MAT2B: variants seen among roughly 807,000 people sequenced by gnomAD.
The protein encoded by MAT2B is methionine adenosyltransferase 2 non-catalytic beta subunit, also known as methionine adenosyltransferase 2 subunit beta.
MAT2B carries 16 observed loss-of-function variants against 36.1 expected under a neutral mutation model. The observed-to-expected ratio is 0.44, with a 90% CI of 0.30 to 0.67. The LOEUF is 0.67. Ranked by LOEUF, MAT2B falls within the 30% of genes least tolerant of loss-of-function variation. The pLI, the probability that MAT2B is intolerant of heterozygous loss-of-function variation, is 0.09. For missense variants in MAT2B, 332 were observed against 398.2 expected, an observed-to-expected ratio of 0.83 and a Z score of 1.42; for synonymous variants, 148 against 136.9, an observed-to-expected ratio of 1.08 and a Z score of -0.57.
Position 163,519,321 on chromosome 5 carries a change from AAC to A in MAT2B, c.*961_*962del, listed in dbSNP as rs1760184771. On this transcript the variant is annotated 3_prime_UTR_variant, in exon 7 of 7. Coordinates refer to ENST00000321757, the MANE Select transcript of MAT2B (RefSeq NM_013283.5). ...TATTGAAATAAAACACAATAAAATT[AAC>A]ACTTGATCCAGAATGTTAACTTACC... The A allele has an allele frequency of 6.6e-6, 1 of 152,238 alleles. No individual in the cohort carries two copies. The highest frequency in any genetic ancestry group is 1.5e-5 in the Non-Finnish European group (1 of 68,036). The allele number at this position is 152,238 out of a possible 1,614,324, so 9.4% of individuals were successfully genotyped here. A position where few individuals can be genotyped will look rare whatever the true frequency, so the allele number is the denominator to read the frequency against.
intron 4 of MAT2B, among the ~76,000 whole-genome samples, chr5:163,514,733 T>G (rs7721639): frequency 0.19 from 29,368 of 152,190 alleles, 3,353 homozygotes; most frequent in African/African-American, 0.31. Context: ...AACTACTGCC[T>G]TAGACTGTAC....
intron 2 of MAT2B, chr5:163,512,946 G>T (rs1020459845): frequency 4.3e-6 from 1 of 233,802 alleles, no homozygotes; most frequent in Non-Finnish European, 8.6e-6. Flanking sequence ...CTTCCAAAGT[G>T]CTGGGATTAC....
chr5:163,507,761 A>T (rs904595534), intron 1 of MAT2B, among the ~76,000 whole-genome samples: 1 of 152,258 alleles, frequency 6.6e-6, no homozygotes, highest in East Asian at 1.9e-4. Flanking sequence ...AAAACAGTGT[A>T]AAAGGCAGAG....
At chr5:163,505,398 G>A (rs1312710951), upstream of MAT2B, 4 of 596,646 alleles carry the variant, frequency 6.7e-6, no homozygotes, top group Non-Finnish European at 9.6e-6. Flanking sequence ...TAAAATCTCC[G>A]AAACAAAACC....
chr5:163,518,035 T>G, intron 6 of MAT2B, 158 bp from the exon 7 acceptor site: 1 of 555,804 alleles, frequency 1.8e-6, no homozygotes, highest in Non-Finnish European at 3.1e-6. Flanking sequence ...GGAGGATCCC[T>G]TGAGCCCAGG....
At chr5:163,510,513 G>A (rs1221881776) in intron 1 of MAT2B, among the ~76,000 whole-genome samples, 3 of 148,622 alleles carry the variant, frequency 2.0e-5, no homozygotes, top group East Asian at 2.0e-4. Context: ...CTCCCGCCTC[G>A]CCTCCCGAGT....
At chr5:163,516,976 C>T (rs960747338) in intron 5 of MAT2B, 3 of 561,724 alleles carry the variant, frequency 5.3e-6, no homozygotes, top group African/African-American at 1.9e-5. Flanking sequence ...TCAAAATAAT[C>T]ATCTAAGGTC....
At chr5:163,507,014 G>A (rs1759957400) in intron 1 of MAT2B, among the ~76,000 whole-genome samples, 1 of 152,180 alleles carries the variant, frequency 6.6e-6, no homozygotes, top group Admixed American at 6.5e-5. Flanking sequence ...GCACAGTAGC[G>A]TCGCAGTAGA....
rs199601793 is a variant in MAT2B, at chr5:163,516,684, C to T, written c.693C>T (p.Cys231=). Residue 231 remains cysteine, a synonymous_variant, in exon 5 of 7, where the codon TGC becomes TGT. Transcript: ENST00000321757. ...ATGTCAAAGATGTGGCCACTGTGTG[C>T]CGGCAGCTAGCAGAGAAGAGAATGC... ...PTHVKDVATV[C]RQLAEKRMLD... The T allele has an allele frequency of 1.2e-6, 2 of 1,614,050 alleles. No individual in the cohort carries two copies. The highest frequency in any genetic ancestry group is 1.6e-4 in the Middle Eastern group (1 of 6,084).
chr5:163,504,521 G>T (rs1759896263), upstream of MAT2B, among the ~76,000 whole-genome samples: 2 of 152,304 alleles, frequency 1.3e-5, no homozygotes, highest in African/African-American at 2.4e-5. Flanking sequence ...AAACCAAAAA[G>T]GTTTAGGAGT....
rs557899316 is a variant in MAT2B at position 163,511,628 on chromosome 5, T to A, written c.64-374T>A. ...ACAGTTTTTTATATGGTTTGATTAA[T>A]CATTGTTCTAACTTTATTTATTACA... On this transcript the variant is annotated intron_variant, in intron 1 of 6. Transcript: ENST00000321757. 1.2e-4 allele frequency among the ~76,000 whole-genome samples: 18 copies of A among 152,106 alleles called. No homozygotes were observed. The South Asian group carries it at 2.3e-3, about 19-fold the overall frequency.
intron 4 of MAT2B, among the ~76,000 whole-genome samples, chr5:163,515,706 A>T (rs990418822): frequency 6.6e-6 from 1 of 150,880 alleles, no homozygotes; most frequent in Non-Finnish European, 1.5e-5. Flanking sequence ...TGTAGGATTT[A>T]TATATATAAA....
Position 163,519,293 on chromosome 5 carries a change from A to G in MAT2B, c.*930A>G, listed in dbSNP as rs1047771329. ...TACATACAAAAGAATATAGTTTAATATGTATTGAAATAAAACACAATAAAA... is the reference window on the plus strand; with the variant it reads ...TACATACAAAAGAATATAGTTTAATGTGTATTGAAATAAAACACAATAAAA... On this transcript the variant is annotated 3_prime_UTR_variant, in exon 7 of 7. Transcript: ENST00000321757. 6.6e-6 allele frequency: 1 copy of G among 151,342 alleles called. No homozygotes were observed. The highest frequency in any genetic ancestry group is 2.1e-4 in the South Asian group (1 of 4,688). 9.4% of individuals were successfully genotyped at this position (151,342 alleles called of 1,614,324 possible). A position where few individuals can be genotyped will look rare whatever the true frequency, so the allele number is the denominator to read the frequency against.
At chr5:163,511,834 T>C (rs1359013503) in intron 1 of MAT2B, among the ~76,000 whole-genome samples, 168 bp from the exon 2 acceptor site, 2 of 152,230 alleles carry the variant, frequency 1.3e-5, no homozygotes, top group Non-Finnish European at 2.9e-5. Context: ...ATTACAGGCA[T>C]GAGCCTGATG....
At chr5:163,516,900 G>A in intron 5 of MAT2B, 189 bp downstream of exon 5, 2 of 611,924 alleles carry the variant, frequency 3.3e-6, no homozygotes, top group East Asian at 2.7e-5. Flanking sequence ...ATGCTCTTCT[G>A]TTTGAATTTA....
In MAT2B at chr5:163,515,015, G is replaced by A. The variant is rs368837905; in HGVS notation, c.526+1021G>A. Among the ~76,000 whole-genome samples, 25 of 152,102 alleles carry A rather than the reference G, an allele frequency of 1.6e-4. 2 individuals are homozygous for A. The highest frequency in any genetic ancestry group is 1.3e-3 in the East Asian group (7 of 5,190). ...GAGGGGAGGAATGCTGTGTTCTCACGGCAGAAGAGCAGAAAGGGATGTGCT... is the reference window on the plus strand; with the variant it reads ...GAGGGGAGGAATGCTGTGTTCTCACAGCAGAAGAGCAGAAAGGGATGTGCT... On this transcript the variant is annotated intron_variant, in intron 4 of 6. Transcript: ENST00000321757.
At chr5:163,504,311 C>G (rs1238127723), upstream of MAT2B, among the ~76,000 whole-genome samples, 2 of 129,286 alleles carry the variant, frequency 1.5e-5, no homozygotes, top group Admixed American at 1.8e-4. Context: ...AACTAATGAA[C>G]AGTAATAGCC....
At chr5:163,512,747 T>A (rs1760066001) in intron 2 of MAT2B, 2 of 442,062 alleles carry the variant, frequency 4.5e-6, no homozygotes, top group Non-Finnish European at 9.0e-6. Flanking sequence ...GTGGTGCAGT[T>A]GAGCTCACTG....
chr5:163,507,393 T>C (rs891335065), intron 1 of MAT2B, among the ~76,000 whole-genome samples: 1 of 152,218 alleles, frequency 6.6e-6, no homozygotes, highest in Non-Finnish European at 1.5e-5. Context: ...ATGTACTTAA[T>C]TTTTCAAGAA....
Sources: allele counts gnomAD v4.1 joint callset (sites outside exome capture counted in the v4.1 genomes callset), GRCh38; gene constraint gnomAD v4.1.1; transcripts MANE v1.5; gene names NCBI Gene and HGNC (gene_info 2026-07-23, HGNC 2026-07-21).